Variants in UBE2E2 observed in about 807,000 individuals in gnomAD.
UBE2E2 encodes the protein ubiquitin conjugating enzyme E2 E2.
In UBE2E2, 6 loss-of-function variants were observed where a neutral mutation model predicts 24.7. The ratio of observed to expected loss-of-function variants is 0.24; its 90% CI spans 0.13 to 0.48. The LOEUF (loss-of-function observed/expected upper bound fraction) is 0.48, where lower values mean the gene tolerates loss of function less well. Ranked by LOEUF, UBE2E2 falls within the 20% of genes least tolerant of loss-of-function variation. The pLI is 0.99. For synonymous variants in UBE2E2, 104 were observed against 83.6 expected (o/e 1.24, Z -1.33); for missense variants, 169 against 245.0 (o/e 0.69, Z 2.07).
chr3:23,324,804 A>AT (rs397730967), intron 3 of UBE2E2, among the ~76,000 whole-genome samples: 1 of 151,544 alleles, frequency 6.6e-6, no homozygotes, highest in Non-Finnish European at 1.5e-5. Flanking sequence ...AAAAAAAAAA[A>AT]CCTAAATGGA....
At chr3:23,558,086 A>G (rs1388166562) in intron 5 of UBE2E2, among the ~76,000 whole-genome samples, 1 of 152,226 alleles carries the variant, frequency 6.6e-6, no homozygotes, top group Non-Finnish European at 1.5e-5. Context: ...AGGCATGTCA[A>G]CAATAGTAAC....
intron 3 of UBE2E2, among the ~76,000 whole-genome samples, chr3:23,226,585 G>A (rs753130948): frequency 9.2e-5 from 14 of 152,204 alleles, no homozygotes; most frequent in African/African-American, 2.4e-4. Flanking sequence ...TTTGAAGAAT[G>A]GGTGGGATTT....
intron 3 of UBE2E2, among the ~76,000 whole-genome samples, chr3:23,373,791 G>A (rs1164245596): frequency 1.3e-5 from 2 of 152,132 alleles, no homozygotes; most frequent in Non-Finnish European, 2.9e-5. Flanking sequence ...TTATTCCCCA[G>A]AAGTTTGGAT....
intron 3 of UBE2E2, among the ~76,000 whole-genome samples, chr3:23,303,625 T>G (rs954920275): frequency 1.3e-5 from 2 of 152,182 alleles, no homozygotes; most frequent in African/African-American, 2.4e-5. Flanking sequence ...ATATATCCTA[T>G]AAAATAGACA....
At chr3:23,239,977 G>T (rs1697215384) in intron 3 of UBE2E2, among the ~76,000 whole-genome samples, 1 of 152,114 alleles carries the variant, frequency 6.6e-6, no homozygotes, top group Non-Finnish European at 1.5e-5. Context: ...AAGTTTTGAG[G>T]CATGTAGGGC....
chr3:23,484,902 A>G (rs895952813), intron 3 of UBE2E2, among the ~76,000 whole-genome samples: 4 of 152,114 alleles, frequency 2.6e-5, no homozygotes, highest in Admixed American at 2.6e-4. Flanking sequence ...GGGTCCCTCC[A>G]TGACACATGG....
intron 3 of UBE2E2, among the ~76,000 whole-genome samples, chr3:23,331,326 G>A (rs1246569243): frequency 6.6e-6 from 1 of 152,206 alleles, no homozygotes; most frequent in African/African-American, 2.4e-5. Context: ...TTAGGTGCCA[G>A]AGAGATAGTA....
intron 3 of UBE2E2, among the ~76,000 whole-genome samples, chr3:23,261,924 C>A: frequency 6.6e-6 from 1 of 152,140 alleles, no homozygotes; most frequent in South Asian, 2.1e-4. Context: ...GTGAATAATG[C>A]TGCAGTTAAC....
chr3:23,485,498 T>G (rs1254379306), intron 3 of UBE2E2, among the ~76,000 whole-genome samples: 1 of 152,136 alleles, frequency 6.6e-6, no homozygotes, highest in Admixed American at 6.5e-5. Flanking sequence ...CTTGAACAGG[T>G]CTGACATTTA....
intron 3 of UBE2E2, among the ~76,000 whole-genome samples, chr3:23,367,147 A>G (rs957908683): frequency 2.0e-5 from 3 of 152,196 alleles, no homozygotes; most frequent in Admixed American, 6.5e-5. Context: ...GAAATCTTTT[A>G]AGTGATTTTC....
chr3:23,362,851 A>G (rs912218578), intron 3 of UBE2E2, among the ~76,000 whole-genome samples: 14 of 152,206 alleles, frequency 9.2e-5, no homozygotes, highest in Admixed American at 9.2e-4. Context: ...GAACTCAGGA[A>G]GAAGGTGCAG....
intron 3 of UBE2E2, among the ~76,000 whole-genome samples, chr3:23,360,811 A>G (rs148784704): frequency 6.6e-6 from 1 of 152,294 alleles, no homozygotes; most frequent in African/African-American, 2.4e-5. Context: ...TCCTCAAGAA[A>G]TTTCTTTATA....
At chr3:23,416,577 C>A (rs1424715034) in intron 3 of UBE2E2, among the ~76,000 whole-genome samples, 1 of 151,922 alleles carries the variant, frequency 6.6e-6, no homozygotes, top group Non-Finnish European at 1.5e-5. Context: ...CTCTGTATTT[C>A]TTGAATTTGA....
intron 3 of UBE2E2, among the ~76,000 whole-genome samples, chr3:23,357,532 C>T (rs552248750): frequency 1.2e-4 from 18 of 151,978 alleles, no homozygotes; most frequent in East Asian, 3.9e-4. Context: ...TTAAATAATC[C>T]TACTGTCTTA....
intron 3 of UBE2E2, among the ~76,000 whole-genome samples, chr3:23,326,185 C>CCTCA (rs1694886285): frequency 6.6e-6 from 1 of 152,176 alleles, no homozygotes; most frequent in Non-Finnish European, 1.5e-5. Flanking sequence ...GATTCTCTTG[C>CCTCA]CTCAGCCTCC....
In UBE2E2 at chr3:23,582,806, G is replaced by A. The variant is rs541122902; in HGVS notation, c.509-6928G>A. ...TCTGGATATTAGACGTTTGTTAGAT[G>A]CGTAGTTTGCAGATATTTTCTCCCA... On this transcript the variant is annotated intron_variant, in intron 5 of 5. Transcript: ENST00000396703. Among the ~76,000 whole-genome samples the A allele has an allele frequency of 4.6e-5, 7 of 151,432 alleles. No individual in the cohort carries two copies. The East Asian group carries it at 9.7e-4, about 21-fold the overall frequency.
Position 23,390,661 on chromosome 3 carries a change from C to T in UBE2E2, c.228-108947C>T, listed in dbSNP as rs376338500. Among the ~76,000 whole-genome samples the T allele has an allele frequency of 5.3e-5, 8 of 152,190 alleles. No individual in the cohort carries two copies. The South Asian group carries it at 1.5e-3, about 28-fold the overall frequency. ...GCTGCTAAAAGAGCATTAATTGTAA[C>T]ATACCCTTAGACAGTGCTGTGGGGC... On this transcript the variant is annotated intron_variant, in intron 3 of 5. Coordinates refer to ENST00000396703, the MANE Select transcript of UBE2E2 (RefSeq NM_152653.4).
intron 5 of UBE2E2, among the ~76,000 whole-genome samples, chr3:23,552,066 A>G (rs1347106974): frequency 6.6e-6 from 1 of 152,162 alleles, no homozygotes; most frequent in Non-Finnish European, 1.5e-5. Flanking sequence ...CAGAAACCAC[A>G]TCAGCCAGCA....
chr3:23,249,060 C>G (rs995592168), intron 3 of UBE2E2, among the ~76,000 whole-genome samples: 12 of 152,082 alleles, frequency 7.9e-5, no homozygotes, highest in African/African-American at 2.7e-4. Context: ...TGCTTGAGCC[C>G]AGGAGTTTGA....
Sources: gnomAD v4.1 joint callset for allele counts (sites outside exome capture counted in the v4.1 genomes callset) on GRCh38, gnomAD v4.1.1 for gene constraint, MANE v1.5 for transcripts, NCBI Gene and HGNC (gene_info 2026-07-23, HGNC 2026-07-21) for gene names.